Variants in SLC22A23 observed in about 807,000 individuals in gnomAD.
SLC22A23 encodes the protein ion transporter protein.
In SLC22A23, 26 loss-of-function variants were observed where a neutral mutation model predicts 61.0. The observed-to-expected ratio is 0.43, with a 90% CI of 0.31 to 0.59. The LOEUF is 0.59. Ranked by LOEUF, SLC22A23 falls within the 20% of genes least tolerant of loss-of-function variation. SLC22A23 has a pLI of 0.11. For missense variants in SLC22A23, 796 were observed against 934.7 expected, an observed-to-expected ratio of 0.85 and a Z score of 1.94; for synonymous variants, 430 against 413.9, an observed-to-expected ratio of 1.04 and a Z score of -0.47.
chr6:3,290,845 C>T (rs1356268697), intron 5 of SLC22A23: 3 of 152,260 alleles, frequency 2.0e-5, no homozygotes, highest in African/African-American at 7.2e-5. Flanking sequence ...TAATCCCCTA[C>T]TGGGGAGCTA....
At chr6:3,336,795 T>C (rs1763882597) in intron 3 of SLC22A23, among the ~76,000 whole-genome samples, 1 of 147,690 alleles carries the variant, frequency 6.8e-6, no homozygotes, top group African/African-American at 2.6e-5. Flanking sequence ...ATAACTGTAG[T>C]AGGCTTTTTT....
chr6:3,415,353 C>G (rs73720876), intron 2 of SLC22A23, among the ~76,000 whole-genome samples: 1 of 152,132 alleles, frequency 6.6e-6, no homozygotes, highest in South Asian at 2.1e-4. Flanking sequence ...TCATTCAGCT[C>G]GCATGGGGGA....
chr6:3,276,097 G>C (rs540248527), intron 9 of SLC22A23, among the ~76,000 whole-genome samples: 1 of 152,212 alleles, frequency 6.6e-6, no homozygotes, highest in Non-Finnish European at 1.5e-5. Context: ...GAATGCAATG[G>C]AAGAATGGTG....
rs1472252214 is a variant in SLC22A23, at chr6:3,414,946, A to AGGTGG, written c.758+805_758+806insCCACC. 1.3e-5 allele frequency among the ~76,000 whole-genome samples: 2 copies of AGGTGG among 152,174 alleles called. No individual in the cohort carries two copies. Among genetic ancestry groups the AGGTGG allele is most frequent in the African/African-American group, 4.8e-5 (2 of 41,452 alleles). ...TGGTGGAGGGGCAGGCTCTGAGGCC[A>AGGTGG]CGTGGTGGCTGAGTTTCAAGTTCTG... On this transcript the variant is annotated intron_variant, in intron 2 of 9. Coordinates refer to ENST00000406686, the MANE Select transcript of SLC22A23 (RefSeq NM_015482.2). This position sits in a 1 kb window ranked among gnomAD's most constrained non-coding sequence, Gnocchi z 5.1.
rs1758300464 is a variant in SLC22A23 at position 3,268,981 on chromosome 6, AAATACTTTATTAAAGAAATAT to A, written c.*4053_*4073del. The A allele has an allele frequency of 6.6e-6, 1 of 152,376 alleles. No homozygotes were observed. Among genetic ancestry groups the A allele is most frequent in the Admixed American group, 6.5e-5 (1 of 15,292 alleles). 9.4% of individuals were successfully genotyped at this position (152,376 alleles called of 1,614,324 possible). On this transcript the variant is annotated 3_prime_UTR_variant, in exon 10 of 10. Transcript: ENST00000406686. Reference sequence around the variant, plus strand: ...GGCTATGGAGAGAAGAGTTTGGTATAAATACTTTATTAAAGAAATATTGTCATTTTCGTTAAAAAATACATT... The same window carrying A: ...GGCTATGGAGAGAAGAGTTTGGTATATGTCATTTTCGTTAAAAAATACATT...
intron 3 of SLC22A23, among the ~76,000 whole-genome samples, chr6:3,348,203 G>A (rs1012958274): frequency 2.6e-5 from 4 of 152,204 alleles, no homozygotes; most frequent in South Asian, 2.1e-4. Context: ...CACGTTCCAC[G>A]ATTCCATGCT....
At chr6:3,288,310 C>T (rs997036028) in intron 6 of SLC22A23, among the ~76,000 whole-genome samples, 1 of 152,206 alleles carries the variant, frequency 6.6e-6, no homozygotes, top group African/African-American at 2.4e-5. Flanking sequence ...GGGAAATCTA[C>T]GTCCTTCTCA....
At chr6:3,296,578 C>T (rs527515415) in intron 5 of SLC22A23, among the ~76,000 whole-genome samples, 12 of 152,310 alleles carry the variant, frequency 7.9e-5, no homozygotes, top group South Asian at 2.1e-4. Flanking sequence ...TGAGTGTCAT[C>T]GTGTTTCTCG....
intron 9 of SLC22A23, 70 bp downstream of exon 9, chr6:3,283,782 G>A: frequency 6.2e-7 from 1 of 1,601,094 alleles, no homozygotes; most frequent in Non-Finnish European, 8.5e-7. Flanking sequence ...TCCCACACCA[G>A]CCTGGAGCCA....
Position 3,271,242 on chromosome 6 carries a change from C to G in SLC22A23, c.*1813G>C, listed in dbSNP as rs1466097449. 2.4e-5 allele frequency: 3 copies of G among 123,982 alleles called. No homozygotes were observed. Among genetic ancestry groups the G allele is most frequent in the Non-Finnish European group, 3.6e-5 (2 of 55,558 alleles). 7.7% of individuals were successfully genotyped at this position (123,982 alleles called of 1,614,324 possible). A position where few individuals can be genotyped will look rare whatever the true frequency, so the allele number is the denominator to read the frequency against. ...TTTAAAAAAGAGGGAAGGTGAGGAGCTGGACGTGGAGCAAGTGGAGGCAGG... is the reference window on the plus strand; with the variant it reads ...TTTAAAAAAGAGGGAAGGTGAGGAGGTGGACGTGGAGCAAGTGGAGGCAGG... On this transcript the variant is annotated 3_prime_UTR_variant, in exon 10 of 10. Coordinates refer to ENST00000406686, the MANE Select transcript of SLC22A23 (RefSeq NM_015482.2).
chr6:3,350,721 G>GA (rs1764718696), intron 3 of SLC22A23, among the ~76,000 whole-genome samples: 1 of 152,206 alleles, frequency 6.6e-6, no homozygotes, highest in Non-Finnish European at 1.5e-5. Flanking sequence ...GTTTCTAACA[G>GA]AAAAATCAGC....
At position 3,387,483 on chromosome 6, in the gene SLC22A23, C is replaced by T. The variant is rs1174861763; in HGVS notation, c.913+22705G>A. On this transcript the variant is annotated intron_variant, in intron 3 of 9. Coordinates refer to ENST00000406686, the MANE Select transcript of SLC22A23 (RefSeq NM_015482.2). This position sits in a 1 kb window ranked among gnomAD's most constrained non-coding sequence, Gnocchi z 5.0. ...AGAGGCGACTGTGGAGACACAGCTA[C>T]ATTTAATAGAGTGTTCTGGAACAGA... is the stretch of plus-strand genomic sequence containing the variant. Among the ~76,000 whole-genome samples the T allele has an allele frequency of 6.6e-6, 1 of 152,212 alleles. No homozygotes were observed. Among genetic ancestry groups the T allele is most frequent in the Non-Finnish European group, 1.5e-5 (1 of 68,048 alleles).
At chr6:3,445,312 C>T (rs544032933) in intron 1 of SLC22A23, among the ~76,000 whole-genome samples, 66 of 152,292 alleles carry the variant, frequency 4.3e-4, no homozygotes, top group East Asian at 3.9e-4. Context: ...AATTGTCCTG[C>T]CTCAGCCTCC....
chr6:3,319,261 C>T (rs1263247009), intron 4 of SLC22A23, among the ~76,000 whole-genome samples: 1 of 152,230 alleles, frequency 6.6e-6, no homozygotes, highest in Non-Finnish European at 1.5e-5. Flanking sequence ...GCTGACCTTC[C>T]TCTCCCGGTT....
At chr6:3,413,708 C>G (rs530516936) in intron 2 of SLC22A23, among the ~76,000 whole-genome samples, 4 of 152,236 alleles carry the variant, frequency 2.6e-5, no homozygotes, top group Non-Finnish European at 5.9e-5. Context: ...TGATCCACTT[C>G]CCCTGCAGCC....
intron 3 of SLC22A23, among the ~76,000 whole-genome samples, chr6:3,394,450 T>G (rs970254721): frequency 3.3e-5 from 5 of 152,174 alleles, no homozygotes; most frequent in Non-Finnish European, 7.3e-5. Context: ...AGAACAGGAA[T>G]GATTGTGGTA....
intron 3 of SLC22A23, among the ~76,000 whole-genome samples, chr6:3,377,576 G>A (rs73720710): frequency 0.12 from 18,236 of 152,178 alleles, 1,384 homozygotes; most frequent in African/African-American, 0.22. Flanking sequence ...TGGCTTTAAT[G>A]CCTTCCCCTC....
intron 3 of SLC22A23, among the ~76,000 whole-genome samples, chr6:3,384,019 G>A (rs60850360): frequency 0.022 from 3,397 of 152,254 alleles, 142 homozygotes; most frequent in East Asian, 0.16. Context: ...GCCAGCTCCC[G>A]GATGTCCGCA....
intron 3 of SLC22A23, among the ~76,000 whole-genome samples, chr6:3,409,123 T>A (rs1247250130): frequency 6.6e-6 from 1 of 152,214 alleles, no homozygotes; most frequent in Non-Finnish European, 1.5e-5. Context: ...ATGCATATCT[T>A]CCTAAAGAAC....
Sources: allele counts gnomAD v4.1 joint callset (sites outside exome capture counted in the v4.1 genomes callset), GRCh38; gene constraint gnomAD v4.1.1; non-coding constraint Gnocchi (gnomAD v3.1); transcripts MANE v1.5; gene names NCBI Gene and HGNC (gene_info 2026-07-23, HGNC 2026-07-21).